Variants in EEIG2 observed in about 807,000 individuals in gnomAD.
EEIG2 encodes family with sequence similarity 102 member B.
chr1:108,613,602 C>G, the EEIG2 span, among the ~76,000 whole-genome samples: 91 of 152,058 alleles, frequency 6.0e-4, no homozygotes, highest in Non-Finnish European at 1.0e-3. Flanking sequence ...CCACTTTGTC[C>G]TACAAAAAAA....
chr1:108,566,863 G>A, the EEIG2 span, among the ~76,000 whole-genome samples: 1 of 152,126 alleles, frequency 6.6e-6, no homozygotes, highest in Non-Finnish European at 1.5e-5. Context: ...ACGGAGAGAT[G>A]GGGAACTGTT....
chr1:108,561,997 C>G, the EEIG2 span, among the ~76,000 whole-genome samples: 9 of 152,328 alleles, frequency 5.9e-5, no homozygotes, highest in Admixed American at 5.9e-4. Flanking sequence ...ATTTGGCTTA[C>G]TTCCCACAAG....
the EEIG2 span, chr1:108,560,713 A>G: frequency 4.2e-6 from 4 of 956,090 alleles, no homozygotes; most frequent in African/African-American, 1.7e-5. Context: ...GTGCTTTGCA[A>G]ATGGGTTCTT....
At chr1:108,571,563 A>C in the EEIG2 span, among the ~76,000 whole-genome samples, 1 of 152,182 alleles carries the variant, frequency 6.6e-6, no homozygotes, top group African/African-American at 2.4e-5. Context: ...CAAGACTTTC[A>C]TCTTAGATTT....
At chr1:108,599,525 A>G in the EEIG2 span, among the ~76,000 whole-genome samples, 6 of 152,134 alleles carry the variant, frequency 3.9e-5, no homozygotes, top group Non-Finnish European at 8.8e-5. Flanking sequence ...GACAGCAGAG[A>G]GAACAGTATG....
the EEIG2 span, among the ~76,000 whole-genome samples, chr1:108,560,779 C>T: frequency 6.6e-6 from 1 of 152,114 alleles, no homozygotes; most frequent in African/African-American, 2.4e-5. Flanking sequence ...GGTATCTGCT[C>T]TTCCCTCCCA....
the EEIG2 span, among the ~76,000 whole-genome samples, chr1:108,604,972 G>T: frequency 2.6e-5 from 4 of 152,034 alleles, no homozygotes; most frequent in Non-Finnish European, 5.9e-5. Flanking sequence ...GAGCCCAGGA[G>T]TTTGAGGTTT....
the EEIG2 span, among the ~76,000 whole-genome samples, chr1:108,632,111 C>CAAA: frequency 7.6e-5 from 5 of 65,388 alleles, no homozygotes; most frequent in African/African-American, 2.9e-4. Flanking sequence ...GAGACTGTCT[C>CAAA]AAAAAAAAAA....
At chr1:108,586,224 C>A in the EEIG2 span, among the ~76,000 whole-genome samples, 1 of 151,874 alleles carries the variant, frequency 6.6e-6, no homozygotes, top group South Asian at 2.1e-4. Flanking sequence ...ACCAGAGAAT[C>A]ATTTTACCCA....
the EEIG2 span, among the ~76,000 whole-genome samples, chr1:108,590,841 G>A: frequency 4.6e-5 from 7 of 152,126 alleles, no homozygotes; most frequent in African/African-American, 1.2e-4. Flanking sequence ...CAAGTTATTC[G>A]AGAATAAGTA....
chr1:108,561,903 T>C, the EEIG2 span, among the ~76,000 whole-genome samples: 1 of 152,146 alleles, frequency 6.6e-6, no homozygotes, highest in Non-Finnish European at 1.5e-5. Context: ...GCCAGGCAGT[T>C]AGACTGGCGC....
At chr1:108,606,362 C>T in the EEIG2 span, 2 of 621,988 alleles carry the variant, frequency 3.2e-6, no homozygotes, top group Non-Finnish European at 2.6e-6. Context: ...AAGCTTGGCT[C>T]TTTTTGTATG....
chr1:108,618,441 A>G, the EEIG2 span, among the ~76,000 whole-genome samples: 1 of 152,316 alleles, frequency 6.6e-6, no homozygotes, highest in Admixed American at 6.5e-5. Flanking sequence ...GAACAGGGAA[A>G]TGCAGGATTG....
At chr1:108,564,995 G>A in the EEIG2 span, among the ~76,000 whole-genome samples, 1 of 152,180 alleles carries the variant, frequency 6.6e-6, no homozygotes, top group South Asian at 2.1e-4. Flanking sequence ...ATTAATTTTA[G>A]AAGCCAGTTT....
chr1:108,605,679 A>G, the EEIG2 span, among the ~76,000 whole-genome samples: 1 of 152,202 alleles, frequency 6.6e-6, no homozygotes, highest in South Asian at 2.1e-4. Flanking sequence ...GTACAGTGAC[A>G]TATTTTAAGT....
chr1:108,594,283 A>C, the EEIG2 span, among the ~76,000 whole-genome samples: 1 of 152,340 alleles, frequency 6.6e-6, no homozygotes, highest in Admixed American at 6.5e-5. Context: ...AGAATATTGT[A>C]AGAATGTATA....
the EEIG2 span, among the ~76,000 whole-genome samples, chr1:108,581,969 CCTT>C: frequency 2.6e-5 from 4 of 152,076 alleles, no homozygotes; most frequent in Admixed American, 6.6e-5. Flanking sequence ...CAGCAAATTT[CCTT>C]CTTCTCTTAT....
the EEIG2 span, among the ~76,000 whole-genome samples, chr1:108,572,902 T>C: frequency 6.6e-6 from 1 of 152,236 alleles, no homozygotes; most frequent in African/African-American, 2.4e-5. Flanking sequence ...CACTTAGTAA[T>C]ATGCATTTAA....
At chr1:108,606,151 A>G in the EEIG2 span, 17 of 966,048 alleles carry the variant, frequency 1.8e-5, no homozygotes, top group Non-Finnish European at 2.6e-5. Context: ...CTGCTTCAGA[A>G]TTATTTGACA....
Sources: allele counts gnomAD v4.1 joint callset (sites outside exome capture counted in the v4.1 genomes callset), GRCh38; gene constraint gnomAD v4.1.1; transcripts MANE v1.5; gene names NCBI Gene and HGNC (gene_info 2026-07-23, HGNC 2026-07-21).